FRY: variants seen among roughly 807,000 people sequenced by gnomAD.
The protein encoded by FRY is FRY microtubule binding protein, also known as protein furry homolog.
A neutral mutation model predicts 348.4 loss-of-function variants in FRY; 128 were observed. The ratio of observed to expected loss-of-function variants is 0.37; its 90% CI spans 0.32 to 0.43. The LOEUF is 0.43. Among genes scored for constraint, FRY ranks in the 20% least tolerant of loss-of-function variants. The pLI, the probability that FRY is intolerant of heterozygous loss-of-function variation, is 1.00. For synonymous variants in FRY, 1,370 were observed against 1,374.7 expected (o/e 1.00, Z 0.08); for missense variants, 2,736 against 3,695.2 (o/e 0.74, Z 6.73).
At chr13:32,109,920 A>C (rs1378575956) in intron 3 of FRY, among the ~76,000 whole-genome samples, 1 of 152,146 alleles carries the variant, frequency 6.6e-6, no homozygotes, top group East Asian at 1.9e-4. Flanking sequence ...TGGCTAGAAA[A>C]AGGGTAGTTT....
At chr13:32,274,597 G>A (rs539185273) in intron 55 of FRY, among the ~76,000 whole-genome samples, 23 of 150,856 alleles carry the variant, frequency 1.5e-4, no homozygotes, top group South Asian at 4.2e-4. Context: ...CCAGCTACTC[G>A]GGAGGCTGAG....
chr13:32,234,119 C>CAA (rs11322238), intron 41 of FRY, among the ~76,000 whole-genome samples: 13,296 of 76,078 alleles, frequency 0.17, 1,099 homozygotes, highest in Non-Finnish European at 0.24. Flanking sequence ...ACCCTGTTTC[C>CAA]AAAAAAAAAA....
At chr13:32,095,477 G>T (rs1593606565) in intron 2 of FRY, among the ~76,000 whole-genome samples, 1 of 151,396 alleles carries the variant, frequency 6.6e-6, no homozygotes, top group East Asian at 1.9e-4. Flanking sequence ...CTCCCAAGTG[G>T]CTGGGATTAC....
intron 11 of FRY, among the ~76,000 whole-genome samples, chr13:32,145,415 GA>G (rs1880340843): frequency 6.6e-6 from 1 of 151,548 alleles, no homozygotes; most frequent in Admixed American, 6.6e-5. Flanking sequence ...AAATTTTGTG[GA>G]CAAAATCTAT....
intron 7 of FRY, among the ~76,000 whole-genome samples, chr13:32,128,184 C>A (rs1214065597): frequency 6.6e-6 from 1 of 152,238 alleles, no homozygotes; most frequent in South Asian, 2.1e-4. Flanking sequence ...CCATCTCTAC[C>A]GAATGTCCTC....
chr13:32,228,507 G>A lies in FRY; in HGVS notation c.5258G>A (p.Gly1753Glu). The change falls in exon 40 of 61, where the codon GGG becomes GAG. Residue 1753 changes from glycine to glutamate, a missense_variant. By Grantham distance (98) the Gly-to-Glu change is moderately conservative (BLOSUM62 -2). Coordinates refer to ENST00000542859, the MANE Select transcript of FRY (RefSeq NM_023037.3). ...CAGTCATCCCCGGTGCCTGACTCAG[G>A]GCTTAGTTCAAGCTCCACCTCCTCT... Reference protein sequence around the residue: ...EDQSSPVPDSGLSSSSTSSSI... With the variant: ...EDQSSPVPDSELSSSSTSSSI... 1 of 1,613,486 alleles carries A rather than the reference G, an allele frequency of 6.2e-7. No homozygotes were observed. Among genetic ancestry groups the A allele is most frequent in the Non-Finnish European group, 8.5e-7 (1 of 1,179,880 alleles).
At chr13:32,060,452 A>G (rs1359861553) in intron 1 of FRY, among the ~76,000 whole-genome samples, 1 of 152,144 alleles carries the variant, frequency 6.6e-6, no homozygotes, top group Non-Finnish European at 1.5e-5. Context: ...TCAGTGTTTC[A>G]TTTTCCTTAA....
intron 1 of FRY, among the ~76,000 whole-genome samples, chr13:32,048,225 T>TC (rs1385655164): frequency 6.6e-6 from 1 of 152,202 alleles, no homozygotes; most frequent in Admixed American, 6.5e-5. Context: ...TGCTAGCATG[T>TC]CGCCCCTCAG....
chr13:32,265,423 GA>G, intron 53 of FRY, 26 bp from the exon 54 acceptor site: 4 of 1,611,656 alleles, frequency 2.5e-6, no homozygotes, highest in Non-Finnish European at 3.4e-6. Context: ...CACATTGGGG[GA>G]TTCTTTTGTC....
At chr13:32,080,222 CT>C (rs1281331023) in intron 2 of FRY, among the ~76,000 whole-genome samples, 1 of 152,194 alleles carries the variant, frequency 6.6e-6, no homozygotes, top group Non-Finnish European at 1.5e-5. Flanking sequence ...TTTAAATCAT[CT>C]AAACTCATCC....
chr13:32,035,299 T>A (rs1872454287), intron 1 of FRY, among the ~76,000 whole-genome samples: 1 of 152,188 alleles, frequency 6.6e-6, no homozygotes, highest in Admixed American at 6.5e-5. Context: ...TGGGCTGGTT[T>A]TTTTTCTCCC....
intron 2 of FRY, among the ~76,000 whole-genome samples, chr13:32,099,343 TACATACACACACACTAAC>T (rs1337934184): frequency 6.6e-6 from 1 of 151,360 alleles, no homozygotes; most frequent in East Asian, 1.9e-4. Flanking sequence ...CACACACACA[TACATACACACACACTAAC>T]ACATACACAC....
chr13:32,054,946 C>T (rs1225706256), intron 1 of FRY, among the ~76,000 whole-genome samples: 4 of 152,116 alleles, frequency 2.6e-5, no homozygotes, highest in African/African-American at 9.7e-5. Context: ...AAGCAAACCC[C>T]AAGTTCTTTT....
At position 32,136,205 on chromosome 13, in the gene FRY, T is replaced by C. The variant is rs74046741; in HGVS notation, c.1078-666T>C. Reference sequence around the variant, plus strand: ...GCAAAATGGTGATGGGTTCTGCATGTATGATTTTTTTCGGTGGCTGTTCAT... The same window carrying C: ...GCAAAATGGTGATGGGTTCTGCATGCATGATTTTTTTCGGTGGCTGTTCAT... On this transcript the variant is annotated intron_variant, in intron 10 of 60. Coordinates refer to ENST00000542859, the MANE Select transcript of FRY (RefSeq NM_023037.3). 2.8e-3 allele frequency among the ~76,000 whole-genome samples: 422 copies of C among 152,312 alleles called. 1 individual carries two copies. Among genetic ancestry groups the C allele is most frequent in the African/African-American group, 9.6e-3 (398 of 41,564 alleles).
intron 2 of FRY, among the ~76,000 whole-genome samples, chr13:32,082,883 T>C (rs1344282621): frequency 6.6e-6 from 1 of 152,184 alleles, no homozygotes; most frequent in African/African-American, 2.4e-5. Flanking sequence ...TCTTTGTCTT[T>C]GGTATTCTGA....
At chr13:32,265,817 A>G (rs1162525133) in intron 54 of FRY, among the ~76,000 whole-genome samples, 1 of 152,238 alleles carries the variant, frequency 6.6e-6, no homozygotes, top group South Asian at 2.1e-4. Context: ...CAAAGAAAGA[A>G]CACTTACATA....
At chr13:32,277,431 G>A (rs1888584778) in intron 57 of FRY, among the ~76,000 whole-genome samples, 1 of 152,176 alleles carries the variant, frequency 6.6e-6, no homozygotes, top group Non-Finnish European at 1.5e-5. Context: ...AATCTGCTAA[G>A]AGTTAAATCT....
intron 59 of FRY, among the ~76,000 whole-genome samples, chr13:32,290,610 C>T (rs765271899): frequency 2.6e-5 from 4 of 152,060 alleles, no homozygotes; most frequent in Admixed American, 6.6e-5. Context: ...TAAGACATGC[C>T]GCACCTAGGA....
chr13:32,268,795 G>A (rs754477575), intron 55 of FRY, among the ~76,000 whole-genome samples: 12 of 151,754 alleles, frequency 7.9e-5, no homozygotes, highest in Non-Finnish European at 1.6e-4. Flanking sequence ...AGCCTCCCGA[G>A]TAGCTGGGAT....
Sources: allele counts gnomAD v4.1 joint callset (sites outside exome capture counted in the v4.1 genomes callset), GRCh38; gene constraint gnomAD v4.1.1; transcripts MANE v1.5; gene names NCBI Gene and HGNC (gene_info 2026-07-23, HGNC 2026-07-21).